The following CNTLN variants were observed in gnomAD, a reference collection of about 807,000 sequenced individuals.
CNTLN encodes the protein centlein.
A neutral mutation model predicts 180.0 loss-of-function variants in CNTLN; 212 were observed. The ratio of observed to expected loss-of-function variants is 1.18; its 90% CI spans 1.05 to 1.32. The LOEUF (loss-of-function observed/expected upper bound fraction) is 1.32. CNTLN is among the 40% of genes most tolerant of loss of function. The pLI is 0.00. For synonymous variants in CNTLN, 722 were observed against 563.1 expected, an observed-to-expected ratio of 1.28 and a Z score of -3.99; for missense variants, 2,095 against 1,610.9, an observed-to-expected ratio of 1.30 and a Z score of -5.14.
At chr9:17,414,094 G>T (rs545276066) in intron 16 of CNTLN, among the ~76,000 whole-genome samples, 63 of 152,216 alleles carry the variant, frequency 4.1e-4, no homozygotes, top group Admixed American at 1.0e-3. Flanking sequence ...TCTCATCTTG[G>T]ATTGTGAACT....
intron 16 of CNTLN, among the ~76,000 whole-genome samples, chr9:17,410,738 T>C (rs190346409): frequency 3.0e-4 from 45 of 152,292 alleles, no homozygotes; most frequent in African/African-American, 1.0e-3. Context: ...TGATGTGAGA[T>C]AGGGATTAAG....
intron 14 of CNTLN, among the ~76,000 whole-genome samples, chr9:17,391,125 G>A (rs1826079825): frequency 6.6e-6 from 1 of 152,176 alleles, no homozygotes; most frequent in South Asian, 2.1e-4. Context: ...AGAAAGGATA[G>A]CCATGTAGAA....
chr9:17,416,031 G>A lies in CNTLN; in HGVS notation c.2956G>A (p.Glu986Lys). ...AAGTAGCAATATTATTTTATTACGA[G>A]AACGGATTATATCCTTGCAACAACA... Reference protein sequence around the residue: ...KSSSNIILLRERIISLQQQNS... With the variant: ...KSSSNIILLRKRIISLQQQNS... Residue 986 changes from glutamate to lysine, a missense_variant, in exon 18 of 26, where the codon GAA becomes AAA. Transcript: ENST00000380647. 1 of 1,613,340 alleles carries A rather than the reference G, an allele frequency of 6.2e-7. No homozygotes were observed. Among genetic ancestry groups the A allele is most frequent in the Non-Finnish European group, 8.5e-7 (1 of 1,179,704 alleles).
intron 23 of CNTLN, among the ~76,000 whole-genome samples, chr9:17,471,555 T>TCC (rs1832044262): frequency 6.6e-6 from 1 of 152,104 alleles, no homozygotes; most frequent in South Asian, 2.1e-4. Context: ...TTTTGGAAAT[T>TCC]CAGTTAACAT....
chr9:17,330,460 C>G (rs1820568811), intron 8 of CNTLN, among the ~76,000 whole-genome samples, 172 bp from the exon 9 acceptor site: 1 of 151,826 alleles, frequency 6.6e-6, no homozygotes, highest in African/African-American at 2.4e-5. Flanking sequence ...TTGGAAAATA[C>G]TATTCTATGG....
At chr9:17,467,043 C>G (rs913384206) in intron 23 of CNTLN, 152 bp downstream of exon 23, 5 of 469,794 alleles carry the variant, frequency 1.1e-5, no homozygotes. Flanking sequence ...GCTAATAATT[C>G]CTCCATAAAG....
intron 7 of CNTLN, chr9:17,299,348 C>T (rs1168561225): frequency 1.6e-5 from 7 of 446,716 alleles, no homozygotes; most frequent in Non-Finnish European, 2.1e-5. Flanking sequence ...GTGTTATTCT[C>T]ATTTAATGAT....
intron 6 of CNTLN, among the ~76,000 whole-genome samples, chr9:17,295,038 T>C (rs2132744382): frequency 6.6e-6 from 1 of 151,548 alleles, no homozygotes; most frequent in Middle Eastern, 3.4e-3. Flanking sequence ...CCAACACTGC[T>C]GGGGGACCTG....
chr9:17,177,135 C>T (rs751973167), intron 2 of CNTLN, among the ~76,000 whole-genome samples: 2 of 152,112 alleles, frequency 1.3e-5, no homozygotes, highest in African/African-American at 2.4e-5. Context: ...CTTGGCTGGG[C>T]GCGGTGGCTC....
intron 8 of CNTLN, among the ~76,000 whole-genome samples, chr9:17,329,305 C>T (rs898696589): frequency 1.3e-4 from 20 of 151,786 alleles, no homozygotes; most frequent in African/African-American, 4.4e-4. Context: ...TATTTCTAAA[C>T]CTCAGAAGTT....
At chr9:17,211,414 A>G (rs981784924) in intron 2 of CNTLN, among the ~76,000 whole-genome samples, 11 of 151,550 alleles carry the variant, frequency 7.3e-5, no homozygotes, top group African/African-American at 2.4e-4. Context: ...CATTGGTGAT[A>G]TCTCTGTTTT....
intron 6 of CNTLN, among the ~76,000 whole-genome samples, chr9:17,293,208 A>C (rs1410425031): frequency 6.6e-6 from 1 of 152,170 alleles, no homozygotes; most frequent in Non-Finnish European, 1.5e-5. Context: ...GCTCCTGTAT[A>C]AGTTATCTGG....
At chr9:17,164,909 C>T (rs898344847) in intron 2 of CNTLN, among the ~76,000 whole-genome samples, 15 of 147,698 alleles carry the variant, frequency 1.0e-4, no homozygotes, top group African/African-American at 3.3e-4. Context: ...AATCTTGGCT[C>T]ACTGCGACCT....
chr9:17,394,289 T>C (rs2133719475), intron 14 of CNTLN, among the ~76,000 whole-genome samples: 1 of 152,306 alleles, frequency 6.6e-6, no homozygotes, highest in African/African-American at 2.4e-5. Flanking sequence ...TTTATTAGCA[T>C]ACTTAGTTCT....
intron 2 of CNTLN, among the ~76,000 whole-genome samples, chr9:17,213,605 T>C (rs564954710): frequency 3.4e-4 from 52 of 152,278 alleles, no homozygotes; most frequent in Non-Finnish European, 6.0e-4. Flanking sequence ...AATTCCTGGA[T>C]ATTTTTGTTA....
At chr9:17,383,837 A>G (rs935300793) in intron 13 of CNTLN, among the ~76,000 whole-genome samples, 4 of 151,900 alleles carry the variant, frequency 2.6e-5, no homozygotes, top group African/African-American at 9.7e-5. Context: ...ATGGGGTTTC[A>G]CCGTGTTAGC....
intron 12 of CNTLN, among the ~76,000 whole-genome samples, chr9:17,344,755 G>A (rs914599363): frequency 6.6e-6 from 1 of 152,144 alleles, no homozygotes; most frequent in Non-Finnish European, 1.5e-5. Context: ...TTTTAACATT[G>A]TATGTAGTAT....
intron 8 of CNTLN, among the ~76,000 whole-genome samples, chr9:17,320,762 C>G (rs1270149280): frequency 1.3e-5 from 2 of 152,184 alleles, no homozygotes; most frequent in African/African-American, 4.8e-5. Flanking sequence ...CTCAGCCTCC[C>G]AAAGCGCTGG....
At chr9:17,523,459 G>T in the CNTLN span, among the ~76,000 whole-genome samples, 1 of 151,992 alleles carries the variant, frequency 6.6e-6, no homozygotes, top group Non-Finnish European at 1.5e-5. Flanking sequence ...CTCATCTCGA[G>T]CTCCTGACCT....
Sources: allele counts gnomAD v4.1 joint callset (sites outside exome capture counted in the v4.1 genomes callset), GRCh38; gene constraint gnomAD v4.1.1; transcripts MANE v1.5; gene names NCBI Gene and HGNC (gene_info 2026-07-23, HGNC 2026-07-21).